ZNF573: variants seen among roughly 807,000 people sequenced by gnomAD.
The protein encoded by ZNF573 is zinc finger protein 573.
Under a neutral mutation model 57.4 loss-of-function variants are expected in ZNF573, and 41 were observed. That is an observed-to-expected ratio of 0.71 (90% confidence interval 0.56 to 0.93). The LOEUF is 0.93. ZNF573 is among the 40% of genes least tolerant of loss of function. The pLI, the probability that ZNF573 is intolerant of heterozygous loss-of-function variation, is 0.00. For synonymous variants in ZNF573, 249 were observed against 261.0 expected (o/e 0.95, Z 0.44); for missense variants, 730 against 794.8 (o/e 0.92, Z 0.98).
intron 4 of ZNF573, among the ~76,000 whole-genome samples, chr19:37,748,276 T>A (rs2045400600): frequency 6.6e-6 from 1 of 152,206 alleles, no homozygotes; most frequent in Non-Finnish European, 1.5e-5. Context: ...ACAAACATAC[T>A]TTATGTAAGA....
In ZNF573 at chr19:37,740,159, C is replaced by A; in HGVS notation, c.331G>T (p.Glu111Ter). Residue 111 changes from glutamate to a stop codon, truncating the protein, a stop_gained, in exon 5 of 5, where the codon GAA becomes TAA. Transcript: ENST00000536220. LOFTEE classifies it high-confidence loss of function. ...DLQCEIISYI[E>*]VPTYETDISS... is the part of the protein sequence containing the mutation. ...ATATCTGTTTCATAAGTGGGTACTTCTATGTAGCTGATTATCTCACACTGT... is the reference window on the plus strand; with the variant it reads ...ATATCTGTTTCATAAGTGGGTACTTATATGTAGCTGATTATCTCACACTGT... 6.3e-7 allele frequency: 1 copy of A among 1,597,198 alleles called. No individual in the cohort carries two copies. The highest frequency in any genetic ancestry group is 8.5e-7 in the Non-Finnish European group (1 of 1,171,442).
intron 3 of ZNF573, among the ~76,000 whole-genome samples, chr19:37,770,873 T>TATATATATATATATAG (rs1599707908): frequency 7.7e-6 from 1 of 129,758 alleles, no homozygotes; most frequent in Non-Finnish European, 1.6e-5. Context: ...TATATATATA[T>TATATATATATATATAG]TCCCCCTCCC....
At chr19:37,748,026 C>CA (rs1302364777) in intron 4 of ZNF573, among the ~76,000 whole-genome samples, 3 of 151,958 alleles carry the variant, frequency 2.0e-5, no homozygotes, top group Non-Finnish European at 2.9e-5. Flanking sequence ...AGCCTAATTA[C>CA]AAAAAAACAA....
intron 4 of ZNF573, among the ~76,000 whole-genome samples, chr19:37,741,540 A>G (rs926573154): frequency 6.6e-6 from 1 of 152,198 alleles, no homozygotes; most frequent in Non-Finnish European, 1.5e-5. Context: ...GCAAATCGAT[A>G]AACATAATCT....
chr19:37,758,300 T>A (rs1291620753), intron 4 of ZNF573, among the ~76,000 whole-genome samples: 1 of 12,946 alleles, frequency 7.7e-5, no homozygotes, highest in African/African-American at 1.3e-4. Context: ...GTGGAGCACG[T>A]TTTTTAAAAA....
chr19:37,743,684 T>C (rs1272744056), intron 4 of ZNF573, among the ~76,000 whole-genome samples: 1 of 152,156 alleles, frequency 6.6e-6, no homozygotes, highest in African/African-American at 2.4e-5. Context: ...AAGACACATG[T>C]GCATGTACGT....
chr19:37,741,653 A>G (rs1262495350), intron 4 of ZNF573, among the ~76,000 whole-genome samples: 1 of 152,238 alleles, frequency 6.6e-6, no homozygotes, highest in Non-Finnish European at 1.5e-5. Context: ...AAAACTCTCA[A>G]TAAACTAGGT....
intron 1 of ZNF573, among the ~76,000 whole-genome samples, chr19:37,774,890 T>C (rs1207619055): frequency 6.6e-6 from 1 of 152,154 alleles, no homozygotes; most frequent in Non-Finnish European, 1.5e-5. Context: ...TGTTCATACA[T>C]TAACTTAAAA....
chr19:37,739,201 T>C lies in ZNF573; in HGVS notation c.1289A>G (p.Lys430Arg). 6.2e-7 allele frequency: 1 copy of C among 1,613,114 alleles called. No individual in the cohort carries two copies. The highest frequency in any genetic ancestry group is 8.5e-7 in the Non-Finnish European group (1 of 1,179,708). The change falls in exon 5 of 5, where the codon AAA (lysine) becomes AGA (arginine). Residue 430 changes from lysine to arginine, a missense_variant. Lys to Arg is a conservative substitution (Grantham distance 26). Transcript: ENST00000536220. ...GCCAGTATGAATTTTCTGATGTTGT[T>C]TAAGGTAGCCATACAAGCTAAAGGC... Reference protein sequence around the residue: ...GKAFSLYGYLKQHQKIHTGMK... With the variant: ...GKAFSLYGYLRQHQKIHTGMK...
chr19:37,750,831 CAAA>C (rs537735677), intron 4 of ZNF573, among the ~76,000 whole-genome samples: 3 of 98,222 alleles, frequency 3.1e-5, no homozygotes, highest in East Asian at 3.8e-4. Flanking sequence ...GACCCAGTCT[CAAA>C]AAAAAAAAAA....
chr19:37,745,285 C>A (rs1358112642), intron 4 of ZNF573, among the ~76,000 whole-genome samples: 1 of 152,018 alleles, frequency 6.6e-6, no homozygotes, highest in Admixed American at 6.6e-5. Context: ...CCATGTTGGC[C>A]AGGCTGGTCT....
Position 37,739,519 on chromosome 19 carries a change from T to A in ZNF573, c.971A>T (p.His324Leu). 6.2e-7 allele frequency: 1 copy of A among 1,613,104 alleles called. No individual in the cohort carries two copies. Among genetic ancestry groups the A allele is most frequent in the Non-Finnish European group, 8.5e-7 (1 of 1,179,698 alleles). ...ACACTCATATGGCTTTTTACCAGTG[T>A]GAACTCTCTGATGTACAGTAAGCTG... ...GHQLTVHQRV[H>L]TGKKPYECKE... Residue 324 changes from histidine (H) to leucine (L), a missense_variant, in exon 5 of 5, where the codon CAC becomes CTC. His to Leu is a moderately conservative substitution (Grantham distance 99, BLOSUM62 -3). Coordinates refer to ENST00000536220, the MANE Select transcript of ZNF573 (RefSeq NM_001172690.2).
chr19:37,773,552 G>A (rs2045678321), intron 2 of ZNF573, 109 bp downstream of exon 2: 3 of 743,186 alleles, frequency 4.0e-6, no homozygotes, highest in Admixed American at 2.6e-5. Flanking sequence ...AAGAAAGTGG[G>A]GACAGATAAC....
chr19:37,763,092 A>G (rs936901051), intron 4 of ZNF573, among the ~76,000 whole-genome samples: 1 of 151,958 alleles, frequency 6.6e-6, no homozygotes, highest in African/African-American at 2.4e-5. Flanking sequence ...TTCTTAAGTC[A>G]GGGGAGGCCC....
chr19:37,744,061 C>T (rs189228346), intron 4 of ZNF573, among the ~76,000 whole-genome samples: 181 of 150,974 alleles, frequency 1.2e-3, no homozygotes, highest in South Asian at 1.0e-3. Flanking sequence ...ACACGTATAC[C>T]TATGTAACAA....
intron 4 of ZNF573, among the ~76,000 whole-genome samples, chr19:37,748,554 A>G (rs1325907086): frequency 6.6e-6 from 1 of 152,182 alleles, no homozygotes; most frequent in Non-Finnish European, 1.5e-5. Context: ...TAAATCTGAC[A>G]TTCCACAAGA....
intron 1 of ZNF573, among the ~76,000 whole-genome samples, chr19:37,778,165 G>A (rs1242137032): frequency 6.6e-6 from 1 of 151,190 alleles, no homozygotes; most frequent in Non-Finnish European, 1.5e-5. Context: ...AAGTCTCATT[G>A]GTAAATTGGG....
Position 37,739,933 on chromosome 19 carries a change from C to A in ZNF573, c.557G>T (p.Gly186Val), listed in dbSNP as rs1314356869. 3.1e-6 allele frequency: 5 copies of A among 1,614,066 alleles called. No individual in the cohort carries two copies. The Admixed American group carries it at 6.7e-5, about 22-fold the overall frequency. The change falls in exon 5 of 5, where the codon GGT becomes GTT. Residue 186 changes from glycine (G) to valine (V), a missense_variant. Transcript: ENST00000536220. ...TTCTGTACATTCATAGGGTTTCTCA[C>A]CAGTATGAAATCTTTGATGTAGAGT... is the stretch of plus-strand genomic sequence containing the variant. ...QLTLHQRFHT[G>V]EKPYECTECG...
In ZNF573 at chr19:37,739,152, C is replaced by T. The variant is rs2045295365; in HGVS notation, c.1338G>A (p.Glu446=). Reference sequence around the variant, plus strand: ...TATACAAAGTAAAGGTTTTTTTACACTCCTTACATTCAAAGTGTTTCATGC... The same window carrying T: ...TATACAAAGTAAAGGTTTTTTTACATTCCTTACATTCAAAGTGTTTCATGC... The part of the protein sequence containing the change: ...HTGMKHFECK[E]CKKTFTLYRN... The change falls in exon 5 of 5, where the codon GAG becomes GAA. Residue 446 remains glutamate, a synonymous_variant. Coordinates refer to ENST00000536220, the MANE Select transcript of ZNF573 (RefSeq NM_001172690.2). 1.9e-6 allele frequency: 3 copies of T among 1,613,022 alleles called. No homozygotes were observed. Among genetic ancestry groups the T allele is most frequent in the Admixed American group, 3.3e-5 (2 of 59,840 alleles).
Sources: allele counts gnomAD v4.1 joint callset (sites outside exome capture counted in the v4.1 genomes callset), GRCh38; gene constraint gnomAD v4.1.1; transcripts MANE v1.5; gene names NCBI Gene and HGNC (gene_info 2026-07-23, HGNC 2026-07-21).